Variants in ARHGEF28 observed in about 807,000 individuals in gnomAD.
ARHGEF28 encodes Rho guanine nucleotide exchange factor 28.
Under a neutral mutation model 206.6 loss-of-function variants are expected in ARHGEF28, and 152 were observed. The observed-to-expected ratio is 0.74, with a 90% CI of 0.64 to 0.84. ARHGEF28 has a LOEUF of 0.84. Among genes scored for constraint, ARHGEF28 ranks in the 40% least tolerant of loss-of-function variants. The pLI is 0.00. For synonymous variants in ARHGEF28, 763 were observed against 776.4 expected, an observed-to-expected ratio of 0.98 and a Z score of 0.29; for missense variants, 2,028 against 2,073.2, an observed-to-expected ratio of 0.98 and a Z score of 0.42.
Position 73,868,099 on chromosome 5 carries a change from G to C in ARHGEF28, c.2298-1G>C. The C allele has an allele frequency of 6.2e-7, 1 of 1,612,406 alleles. No homozygotes were observed. Among genetic ancestry groups the C allele is most frequent in the Non-Finnish European group, 8.5e-7 (1 of 1,179,242 alleles). On this transcript the variant is annotated splice_acceptor_variant, in intron 19 of 35. Transcript: ENST00000513042. LOFTEE classifies it high-confidence loss of function. ...ACTTTGCTCCCCTCCCTCTCTCCTA[G>C]CTTCAGGAGGTCAGCCACATCCTTG... is the stretch of plus-strand genomic sequence containing the variant.
chr5:73,859,334 G>A (rs367641592), intron 16 of ARHGEF28, among the ~76,000 whole-genome samples: 11 of 152,302 alleles, frequency 7.2e-5, no homozygotes, highest in South Asian at 4.1e-4. Flanking sequence ...TTTGTTGATC[G>A]CCAGAATTGT....
chr5:73,686,802 G>A (rs536902688), intron 2 of ARHGEF28, among the ~76,000 whole-genome samples: 3 of 152,014 alleles, frequency 2.0e-5, no homozygotes, highest in South Asian at 2.1e-4. Flanking sequence ...GATTACAGGC[G>A]TGAGCCACCG....
At chr5:73,867,762 T>C (rs1759801080) in intron 18 of ARHGEF28, 114 bp from the exon 19 acceptor site, 1 of 1,359,018 alleles carries the variant, frequency 7.4e-7, no homozygotes, top group Non-Finnish European at 1.0e-6. Flanking sequence ...AGGCAGAGCA[T>C]GCATCAGATT....
intron 1 of ARHGEF28, among the ~76,000 whole-genome samples, chr5:73,636,170 TA>T (rs1437606613): frequency 6.6e-6 from 1 of 152,210 alleles, no homozygotes; most frequent in African/African-American, 2.4e-5. Context: ...TTAGTGTTAA[TA>T]AAAAGGTGCT....
rs78041050 is a variant in ARHGEF28 at position 73,794,442 on chromosome 5, G to A, written c.951G>A (p.Lys317=). The A allele has an allele frequency of 2.1e-3, 3,354 of 1,601,574 alleles. 68 individuals are homozygous for A. The African/African-American group carries it at 0.037, about 18-fold the overall frequency. ...TGTCCAGCAGATCAGCAGCTGAAAA[G>A]GAAGATATAAAGGTAATGAATGACT... The part of the protein sequence containing the change: ...NSVSSRSAAE[K]EDIKRVKSLV... Residue 317 remains lysine (K), a synonymous_variant, in exon 8 of 36, where the codon AAG becomes AAA. Coordinates refer to ENST00000513042, the MANE Select transcript of ARHGEF28 (RefSeq NM_001177693.2).
rs1490803831 is a variant in ARHGEF28 at position 73,893,346 on chromosome 5, G to A, written c.3658+58G>A. 6.5e-6 allele frequency: 9 copies of A among 1,385,664 alleles called. No individual in the cohort carries two copies. The East Asian group carries it at 2.1e-4, about 33-fold the overall frequency. 85.8% of individuals were successfully genotyped at this position (1,385,664 alleles called of 1,614,324 possible). A position where few individuals can be genotyped will look rare whatever the true frequency, so the allele number is the denominator to read the frequency against. ...TGGTGTTCTCCTGGGTGTTGGGAAA[G>A]CCTGAGTGTCATGAACAGGAGGTTA... is the stretch of plus-strand genomic sequence containing the variant. On this transcript the variant is annotated intron_variant, in intron 28 of 35. Coordinates refer to ENST00000513042, the MANE Select transcript of ARHGEF28 (RefSeq NM_001177693.2).
chr5:73,635,110 G>C (rs1580424311), intron 1 of ARHGEF28, among the ~76,000 whole-genome samples: 1 of 152,158 alleles, frequency 6.6e-6, no homozygotes, highest in African/African-American at 2.4e-5. Context: ...TTGGGAGCCC[G>C]AGGCAGGTGG....
At chr5:73,706,322 C>T (rs920347660) in intron 2 of ARHGEF28, among the ~76,000 whole-genome samples, 15 of 151,968 alleles carry the variant, frequency 9.9e-5, no homozygotes, top group African/African-American at 2.7e-4. Flanking sequence ...CCAGCCTGGG[C>T]GACAGAGCAA....
intron 21 of ARHGEF28, 50 bp downstream of exon 21, chr5:73,870,259 AAAG>A (rs1201133687): frequency 2.6e-6 from 4 of 1,563,068 alleles, no homozygotes; most frequent in African/African-American, 1.4e-5. Context: ...GGTTCAGAGA[AAAG>A]AACATGGAAT....
At chr5:73,706,626 G>A (rs551960265) in intron 2 of ARHGEF28, among the ~76,000 whole-genome samples, 1 of 152,232 alleles carries the variant, frequency 6.6e-6, no homozygotes, top group Non-Finnish European at 1.5e-5. Flanking sequence ...AATGAATGAA[G>A]CTTACATAAA....
rs180843429 is a variant in ARHGEF28, at chr5:73,798,800, G to A, written c.1024+3409G>A. On this transcript the variant is annotated intron_variant, in intron 9 of 35. Coordinates refer to ENST00000513042, the MANE Select transcript of ARHGEF28 (RefSeq NM_001177693.2). Reference sequence around the variant, plus strand: ...TGGCACTAAACGTGATTAAGAAATAGGATCTGGCCAGGCGTGGTGGCTCAT... The same window carrying A: ...TGGCACTAAACGTGATTAAGAAATAAGATCTGGCCAGGCGTGGTGGCTCAT... Among the ~76,000 whole-genome samples the A allele has an allele frequency of 4.0e-3, 616 of 152,274 alleles. 13 individuals carry two copies. The highest frequency in any genetic ancestry group is 0.036 in the Admixed American group (552 of 15,294).
intron 9 of ARHGEF28, among the ~76,000 whole-genome samples, chr5:73,814,331 T>C (rs1260713925): frequency 6.6e-6 from 1 of 152,082 alleles, no homozygotes; most frequent in East Asian, 1.9e-4. Flanking sequence ...TATCTGAGCG[T>C]GATTGATAAT....
At chr5:73,703,292 G>A (rs1324623714) in intron 2 of ARHGEF28, among the ~76,000 whole-genome samples, 1 of 152,004 alleles carries the variant, frequency 6.6e-6, no homozygotes. Flanking sequence ...TTTTTCAGGG[G>A]TTGGGGTTCT....
chr5:73,752,893 C>T lies in ARHGEF28; in HGVS notation c.182-16C>T, dbSNP rs768851845. 22 of 1,613,162 alleles carry T rather than the reference C, an allele frequency of 1.4e-5. No homozygotes were observed. Among genetic ancestry groups the T allele is most frequent in the Non-Finnish European group, 1.8e-5 (21 of 1,179,662 alleles). ...CTACAGACTTGGGGTGAACTGTTCA[C>T]TGTCTTGTTGTCCAGGCCATGGGCT... On this transcript the variant is annotated splice_polypyrimidine_tract_variant and intron_variant, in intron 3 of 35. Transcript: ENST00000513042.
chr5:73,700,346 A>C (rs926229596), intron 2 of ARHGEF28, among the ~76,000 whole-genome samples: 10 of 152,184 alleles, frequency 6.6e-5, no homozygotes, highest in Non-Finnish European at 1.5e-4. Context: ...TACCTTCTAT[A>C]TACACACTTT....
At chr5:73,772,225 G>A (rs113788809) in intron 4 of ARHGEF28, among the ~76,000 whole-genome samples, 3,940 of 152,178 alleles carry the variant, frequency 0.026, 159 homozygotes, top group African/African-American at 0.091. Context: ...GGCTTCCCAA[G>A]TATCATCATT....
intron 3 of ARHGEF28, among the ~76,000 whole-genome samples, chr5:73,752,567 C>G (rs981568090): frequency 2.0e-5 from 3 of 152,010 alleles, no homozygotes; most frequent in African/African-American, 7.3e-5. Context: ...GAGCAAAGGA[C>G]TTGAAGACAA....
intron 6 of ARHGEF28, among the ~76,000 whole-genome samples, chr5:73,777,028 A>G (rs1753581217): frequency 2.6e-5 from 4 of 152,162 alleles, no homozygotes; most frequent in Admixed American, 6.5e-5. Flanking sequence ...CATGTATAAT[A>G]TCTACTTCTG....
intron 2 of ARHGEF28, among the ~76,000 whole-genome samples, chr5:73,705,306 T>A (rs918073606): frequency 6.6e-6 from 1 of 152,210 alleles, no homozygotes; most frequent in Non-Finnish European, 1.5e-5. Context: ...CACTGCCACC[T>A]CTTTGCGTTA....
Sources: allele counts gnomAD v4.1 joint callset (sites outside exome capture counted in the v4.1 genomes callset), GRCh38; gene constraint gnomAD v4.1.1; transcripts MANE v1.5; gene names NCBI Gene and HGNC (gene_info 2026-07-23, HGNC 2026-07-21).